The following RP1 variants were observed in gnomAD, a reference collection of about 807,000 sequenced individuals.
RP1 encodes RP1 axonemal microtubule associated.
Under a neutral mutation model 14.8 loss-of-function variants are expected in RP1, and 16 were observed. That is an observed-to-expected ratio of 1.08 (90% CI 0.73 to 1.65). The LOEUF (loss-of-function observed/expected upper bound fraction) is 1.65. Ranked by LOEUF, RP1 falls within the 40% of genes most tolerant of loss-of-function variation. The pLI is 0.00. For missense variants in RP1, 2,631 were observed against 2,535.0 expected (o/e 1.04, Z -0.81); for synonymous variants, 876 against 883.6 (o/e 0.99, Z 0.15).
intron 24 of RP1, among the ~76,000 whole-genome samples, chr8:54,802,457 C>T (rs903096675): frequency 6.6e-6 from 1 of 152,018 alleles, no homozygotes; most frequent in African/African-American, 2.4e-5. Flanking sequence ...ATGAGAAATA[C>T]CTTCAAATTT....
At chr8:54,786,565 T>C (rs965020171) in intron 24 of RP1, among the ~76,000 whole-genome samples, 2 of 152,124 alleles carry the variant, frequency 1.3e-5, no homozygotes, top group African/African-American at 2.4e-5. Flanking sequence ...GGTACCCTTA[T>C]GTTTCTACCA....
At chr8:54,804,938 A>T (rs1282747385) in intron 24 of RP1, among the ~76,000 whole-genome samples, 1 of 152,188 alleles carries the variant, frequency 6.6e-6, no homozygotes, top group African/African-American at 2.4e-5. Flanking sequence ...CTCTTTTCAA[A>T]TTTGGGTGGC....
chr8:54,709,310 C>G (rs1203258843), intron 15 of RP1, among the ~76,000 whole-genome samples: 1 of 152,156 alleles, frequency 6.6e-6, no homozygotes, highest in Non-Finnish European at 1.5e-5. Flanking sequence ...CTGTGCCATG[C>G]CAGCCTACGT....
Position 54,604,338 on chromosome 8 carries a change from G to A in RP1, c.-12-16617G>A, listed in dbSNP as rs534047053. On this transcript the variant is annotated intron_variant, in intron 1 of 22. Transcript: ENST00000636932. The stretch of plus-strand genomic sequence containing the variant: ...TGGTTCTGTTTATATGCTGGATTAC[G>A]TTTATTGATTTGTGTATGTTGAACC... Among the ~76,000 whole-genome samples the A allele has an allele frequency of 6.0e-4, 92 of 152,216 alleles. 2 individuals are homozygous for A. Among genetic ancestry groups the A allele is most frequent in the Non-Finnish European group, 7.5e-4 (51 of 68,006 alleles).
rs1215215588 is a variant in RP1 at position 54,625,533 on chromosome 8, G to A, written c.1651G>A (p.Glu551Lys). 1 of 1,614,006 alleles carries A rather than the reference G, an allele frequency of 6.2e-7. No homozygotes were observed. Among genetic ancestry groups the A allele is most frequent in the Non-Finnish European group, 8.5e-7 (1 of 1,180,010 alleles). ...AAGTGCAATAAGTGCTGGTGTTATA[G>A]AAATTACAAGTCAGAAGATGTTAGA... ...KSSAISAGVI[E>K]ITSQKMLEMS... Residue 551 changes from glutamate to lysine, a missense_variant, in exon 4 of 4, where the codon GAA (glutamate) becomes AAA (lysine). Glu to Lys is a moderately conservative substitution (Grantham distance 56, BLOSUM62 1). Transcript: ENST00000220676.
At chr8:54,638,848 C>A (rs907348524) in intron 3 of RP1, among the ~76,000 whole-genome samples, 1 of 151,428 alleles carries the variant, frequency 6.6e-6, no homozygotes, top group East Asian at 1.9e-4. Flanking sequence ...GCTTGATGAA[C>A]CTCTGGAATA....
intron 25 of RP1, among the ~76,000 whole-genome samples, chr8:54,849,109 A>C (rs1812000662): frequency 6.6e-6 from 1 of 152,166 alleles, no homozygotes. Flanking sequence ...AGTGACACTA[A>C]GCCAGGTCAA....
chr8:54,774,794 G>C (rs1033915909), downstream of RP1, among the ~76,000 whole-genome samples: 1 of 152,100 alleles, frequency 6.6e-6, no homozygotes, highest in African/African-American at 2.4e-5. Context: ...ATATCCAACA[G>C]CCTTGCAGAA....
At position 54,607,812 on chromosome 8, in the gene RP1, C is replaced by T. The variant is rs138999178; in HGVS notation, c.-12-13143C>T. ...CTCAGACTGCTGTGCTAGCAATGAG[C>T]GAGGCTCTGTGGGCATAGGACCCTC... On this transcript the variant is annotated intron_variant, in intron 1 of 22. Transcript: ENST00000636932. Among the ~76,000 whole-genome samples, 1,192 of 152,272 alleles carry T rather than the reference C, an allele frequency of 7.8e-3. 4 individuals are homozygous for T. The highest frequency in any genetic ancestry group is 0.027 in the Middle Eastern group (8 of 294).
chr8:54,614,213 G>T (rs1805661104), upstream of RP1, among the ~76,000 whole-genome samples: 3 of 152,216 alleles, frequency 2.0e-5, no homozygotes, highest in South Asian at 6.2e-4. Context: ...TGCTGAGAAT[G>T]TATGCTTAAC....
Position 54,630,108 on chromosome 8 carries a change from T to A in RP1, c.6226T>A (p.Phe2076Ile). The A allele has an allele frequency of 6.2e-7, 1 of 1,613,910 alleles. No homozygotes were observed. The highest frequency in any genetic ancestry group is 8.5e-7 in the Non-Finnish European group (1 of 1,179,942). The change falls in exon 4 of 4, where the codon TTC becomes ATC. Residue 2076 changes from phenylalanine to isoleucine, a missense_variant. By Grantham distance (21) the Phe-to-Ile change is conservative (BLOSUM62 0). Coordinates refer to ENST00000220676, the MANE Select transcript of RP1 (RefSeq NM_006269.2). ...DENNNLLNNRFQGSRTNLNQV... is the reference protein window; with the variant it reads ...DENNNLLNNRIQGSRTNLNQV... ...GAATAACAACTTATTAAATAACAGA[T>A]TCCAGGGCTCAAGAACAAATCTCAA...
Position 54,626,922 on chromosome 8 carries a change from G to C in RP1, c.3040G>C (p.Asp1014His), listed in dbSNP as rs200186332. ...TGAGACACAGGTTGGATCTCTGAATGATGCTTATTTGGTTCCCCTGCATGA... is the reference window on the plus strand; with the variant it reads ...TGAGACACAGGTTGGATCTCTGAATCATGCTTATTTGGTTCCCCTGCATGA... ...LHETQVGSLN[D>H]AYLVPLHEHC... The change falls in exon 4 of 4, where the codon GAT (aspartate) becomes CAT (histidine). Residue 1014 changes from aspartate to histidine, a missense_variant. Coordinates refer to ENST00000220676, the MANE Select transcript of RP1 (RefSeq NM_006269.2). 4.3e-5 allele frequency: 70 copies of C among 1,613,856 alleles called. No individual in the cohort carries two copies. The African/African-American group carries it at 6.1e-4, about 14-fold the overall frequency.
chr8:54,808,685 T>G (rs1810916539), intron 24 of RP1, among the ~76,000 whole-genome samples: 1 of 152,236 alleles, frequency 6.6e-6, no homozygotes, highest in African/African-American at 2.4e-5. Flanking sequence ...CTGCTTCCAA[T>G]TGTTAAGTCA....
At chr8:54,735,247 C>T (rs1000521951) in intron 18 of RP1, among the ~76,000 whole-genome samples, 3 of 152,056 alleles carry the variant, frequency 2.0e-5, no homozygotes, top group East Asian at 1.9e-4. Flanking sequence ...GAAGCTTTGC[C>T]CATGCCCATT....
Position 54,620,980 on chromosome 8 carries a change from C to T in RP1, c.14C>T (p.Pro5Leu). The change falls in exon 2 of 4, where the codon CCT becomes CTT. Residue 5 changes from proline (P) to leucine (L), a missense_variant. Transcript: ENST00000220676. ...GTCTCAGCCAAAATGAGTGATACCC[C>T]TTCTACTGGTTTTTCCATCATTCAT... is the stretch of plus-strand genomic sequence containing the variant. Reference protein sequence around the residue: MSDTPSTGFSIIHPT... With the variant: MSDTLSTGFSIIHPT... The T allele has an allele frequency of 1.2e-6, 2 of 1,614,136 alleles. No individual in the cohort carries two copies. Among genetic ancestry groups the T allele is most frequent in the Non-Finnish European group, 8.5e-7 (1 of 1,180,034 alleles).
At chr8:54,597,771 T>C (rs1805181542) in intron 1 of RP1, among the ~76,000 whole-genome samples, 2 of 152,176 alleles carry the variant, frequency 1.3e-5, no homozygotes, top group Admixed American at 6.5e-5. Context: ...TTATATAAAA[T>C]GTCCAGAATA....
At chr8:54,759,652 T>G (rs1043199563) in intron 22 of RP1, among the ~76,000 whole-genome samples, 3 of 152,126 alleles carry the variant, frequency 2.0e-5, no homozygotes, top group South Asian at 4.1e-4. Flanking sequence ...TCCCACACCT[T>G]CTTGCTTAAG....
chr8:54,718,793 T>G (rs541115749), intron 15 of RP1, among the ~76,000 whole-genome samples: 1 of 152,298 alleles, frequency 6.6e-6, no homozygotes, highest in African/African-American at 2.4e-5. Flanking sequence ...AATGCAAAGC[T>G]ATAGACACAG....
chr8:54,862,297 A>T (rs1486619552), intron 27 of RP1, among the ~76,000 whole-genome samples: 1 of 152,162 alleles, frequency 6.6e-6, no homozygotes, highest in African/African-American at 2.4e-5. Flanking sequence ...AAGAACTTCT[A>T]TTACGTCATA....
Sources: gnomAD v4.1 joint callset for allele counts (sites outside exome capture counted in the v4.1 genomes callset) on GRCh38, gnomAD v4.1.1 for gene constraint, MANE v1.5 for transcripts, NCBI Gene and HGNC (gene_info 2026-07-23, HGNC 2026-07-21) for gene names.